The following DCP2 variants were observed in gnomAD, a reference collection of about 807,000 sequenced individuals.
DCP2 encodes decapping mRNA 2.
A neutral mutation model predicts 56.1 loss-of-function variants in DCP2; 30 were observed. The observed-to-expected ratio is 0.53, with a 90% CI of 0.40 to 0.73. The LOEUF (loss-of-function observed/expected upper bound fraction) is 0.73, where lower values mean the gene tolerates loss of function less well. Among genes scored for constraint, DCP2 ranks in the 30% least tolerant of loss-of-function variants. The pLI is 0.00. For synonymous variants in DCP2, 197 were observed against 163.3 expected, an observed-to-expected ratio of 1.21 and a Z score of -1.57; for missense variants, 533 against 502.7, an observed-to-expected ratio of 1.06 and a Z score of -0.58.
In DCP2 at chr5:113,001,154, A is replaced by T. The variant is rs374882349; in HGVS notation, c.503A>T (p.Asn168Ile). 2 of 1,613,984 alleles carry T rather than the reference A, an allele frequency of 1.2e-6. No homozygotes were observed. The highest frequency in any genetic ancestry group is 1.3e-5 in the African/African-American group (1 of 75,052). The part of the protein sequence containing the change: ...CKDDYIELRI[N>I]DQLARLYIIP... Reference sequence around the variant, plus strand: ...GATGATTACATTGAACTTCGAATCAATGACCAGCTTGCTCGTTTGTACATC... The same window carrying T: ...GATGATTACATTGAACTTCGAATCATTGACCAGCTTGCTCGTTTGTACATC... Residue 168 changes from asparagine (N) to isoleucine (I), a missense_variant, in exon 5 of 11, where the codon AAT becomes ATT. Physicochemically the swap from Asn to Ile is moderately radical, Grantham distance 149. Transcript: ENST00000389063.
chr5:113,011,850 A>G (rs1423032164), intron 10 of DCP2, among the ~76,000 whole-genome samples: 2 of 152,134 alleles, frequency 1.3e-5, no homozygotes, highest in Non-Finnish European at 2.9e-5. Context: ...CGGGTCTTAC[A>G]TTTAAGTCTT....
chr5:113,007,994 G>T lies in DCP2; in HGVS notation c.999G>T (p.Lys333Asn). Residue 333 changes from lysine (K) to asparagine (N), a missense_variant, in exon 9 of 11, where the codon AAG (lysine) becomes AAT (asparagine). By Grantham distance (94) the Lys-to-Asn change is moderately conservative. Transcript: ENST00000389063. ...RKQYQDSPNQ[K>N]KRTNGLQPAK... ...AGTATCAAGATTCACCTAATCAAAA[G>T]AAAAGAACAAATGGGCTTCAGCCAG... The T allele has an allele frequency of 1.2e-6, 2 of 1,614,018 alleles. No homozygotes were observed. Among genetic ancestry groups the T allele is most frequent in the South Asian group, 2.2e-5 (2 of 91,082 alleles).
intron 2 of DCP2, among the ~76,000 whole-genome samples, chr5:112,991,627 T>C (rs893447385): frequency 6.6e-6 from 1 of 152,242 alleles, no homozygotes; most frequent in African/African-American, 2.4e-5. Context: ...TTAAGCACTT[T>C]ATTCTTTTTC....
At chr5:112,999,897 C>G (rs1209960827) in intron 4 of DCP2, among the ~76,000 whole-genome samples, 1 of 151,464 alleles carries the variant, frequency 6.6e-6, no homozygotes, top group African/African-American at 2.4e-5. Context: ...CCTGTCTCTA[C>G]TAAAAATACA....
intron 9 of DCP2, 170 bp downstream of exon 9, chr5:113,008,212 T>C: frequency 1.9e-6 from 1 of 520,020 alleles, no homozygotes. Flanking sequence ...AATCTCTGGC[T>C]GCTCTTAATT....
At chr5:112,985,504 A>G (rs1748235827) in intron 1 of DCP2, among the ~76,000 whole-genome samples, 2 of 152,188 alleles carry the variant, frequency 1.3e-5, no homozygotes, top group South Asian at 2.1e-4. Flanking sequence ...ATTTACCTGT[A>G]TTCTTGGAAA....
chr5:112,988,257 C>T (rs766460867), intron 2 of DCP2, among the ~76,000 whole-genome samples: 22 of 150,510 alleles, frequency 1.5e-4, no homozygotes, highest in Middle Eastern at 3.4e-3. Flanking sequence ...CCAAGGGGGG[C>T]GGATCACTAA....
chr5:112,979,033 A>G lies in DCP2; in HGVS notation c.53+2047A>G, dbSNP rs368087629. 1.9e-3 allele frequency among the ~76,000 whole-genome samples: 282 copies of G among 152,320 alleles called. 1 individual carries two copies. The highest frequency in any genetic ancestry group is 6.5e-3 in the African/African-American group (269 of 41,574). ...ATGTCAGCTGTTAACGATTTTATGT[A>G]TGGAACCTATTCACAAAATAATTAC... On this transcript the variant is annotated intron_variant, in intron 1 of 10. Coordinates refer to ENST00000389063, the MANE Select transcript of DCP2 (RefSeq NM_152624.6).
At position 112,976,800 on chromosome 5, in the gene DCP2, C is replaced by T. The variant is rs765496079; in HGVS notation, c.-134C>T. On this transcript the variant is annotated 5_prime_UTR_variant, in exon 1 of 11. Transcript: ENST00000389063. ...AGCGGGTCCCGCCCCTTCCCCTTCTCGTCTCCGTTGGAGTCGTCTCTGCCG... is the reference window on the plus strand; with the variant it reads ...AGCGGGTCCCGCCCCTTCCCCTTCTTGTCTCCGTTGGAGTCGTCTCTGCCG... 9 of 903,532 alleles carry T rather than the reference C, an allele frequency of 1.0e-5. No individual in the cohort carries two copies. The highest frequency in any genetic ancestry group is 2.1e-4 in the Middle Eastern group (1 of 4,656). The allele number at this position is 903,532 out of a possible 1,614,324, so 56.0% of individuals were successfully genotyped here.
intron 7 of DCP2, among the ~76,000 whole-genome samples, chr5:113,003,656 CT>C (rs1402372438): frequency 6.6e-6 from 1 of 151,932 alleles, no homozygotes; most frequent in African/African-American, 2.4e-5. Context: ...ACTATAATCA[CT>C]TATAGGGAGG....
intron 2 of DCP2, among the ~76,000 whole-genome samples, chr5:112,986,704 A>G (rs748827718): frequency 6.6e-6 from 1 of 152,136 alleles, no homozygotes; most frequent in African/African-American, 2.4e-5. Context: ...TGTGGCAAAT[A>G]CAAAGAAGCC....
intron 4 of DCP2, among the ~76,000 whole-genome samples, chr5:112,995,105 T>G (rs1274649553): frequency 6.6e-6 from 1 of 152,206 alleles, no homozygotes; most frequent in Non-Finnish European, 1.5e-5. Flanking sequence ...CACTTTGTAA[T>G]AGAATCAAAA....
chr5:113,012,666 C>G (rs1561707076), intron 10 of DCP2, among the ~76,000 whole-genome samples: 1 of 151,932 alleles, frequency 6.6e-6, no homozygotes, highest in East Asian at 1.9e-4. Context: ...TTTTTTGAGA[C>G]AGAGTCTTGC....
Position 113,016,941 on chromosome 5 carries a change from A to G in DCP2, c.*3457A>G, listed in dbSNP as rs1749913580. 1 of 148,752 alleles carries G rather than the reference A, an allele frequency of 6.7e-6. No individual in the cohort carries two copies. The highest frequency in any genetic ancestry group is 6.9e-5 in the Admixed American group (1 of 14,588). The allele number at this position is 148,752 out of a possible 1,614,324, so 9.2% of individuals were successfully genotyped here. On this transcript the variant is annotated 3_prime_UTR_variant, in exon 11 of 11. Coordinates refer to ENST00000389063, the MANE Select transcript of DCP2 (RefSeq NM_152624.6). Reference sequence around the variant, plus strand: ...ACCGCAACCTACGCCTCCCGGGTTCAAGTGATTCTCCTGCCTCAGCCTCCC... The same window carrying G: ...ACCGCAACCTACGCCTCCCGGGTTCGAGTGATTCTCCTGCCTCAGCCTCCC...
Position 113,010,918 on chromosome 5 carries a change from T to G in DCP2, c.1099+111T>G. The G allele has an allele frequency of 8.8e-7, 1 of 1,136,244 alleles. No homozygotes were observed. The highest frequency in any genetic ancestry group is 1.2e-6 in the Non-Finnish European group (1 of 806,392). 70.4% of individuals were successfully genotyped at this position (1,136,244 alleles called of 1,614,324 possible). A position where few individuals can be genotyped will look rare whatever the true frequency, so the allele number is the denominator to read the frequency against. On this transcript the variant is annotated intron_variant, in intron 10 of 10. Coordinates refer to ENST00000389063, the MANE Select transcript of DCP2 (RefSeq NM_152624.6). ...ATCTGTGATAGTTAAGCAGGAAGAG[T>G]TGCATATGTTCTGTAGAAAGAGTTC...
intron 2 of DCP2, among the ~76,000 whole-genome samples, chr5:112,988,296 C>T (rs1314075438): frequency 6.8e-6 from 1 of 145,996 alleles, no homozygotes; most frequent in African/African-American, 2.5e-5. Flanking sequence ...TCCTGGCCAA[C>T]ACAGTAAAAC....
chr5:112,978,584 A>G (rs2080898), intron 1 of DCP2, among the ~76,000 whole-genome samples: 35,426 of 152,046 alleles, frequency 0.23, 4,989 homozygotes, highest in African/African-American at 0.41. Flanking sequence ...AACTAATACA[A>G]ATGGCGCTGT....
intron 4 of DCP2, among the ~76,000 whole-genome samples, chr5:112,993,641 C>CAA (rs75863144): frequency 8.7e-6 from 1 of 115,546 alleles, no homozygotes; most frequent in African/African-American, 2.8e-5. Flanking sequence ...AAAAAAAAAC[C>CAA]AAAAAAAAAA....
At chr5:113,010,733 G>GTT in intron 9 of DCP2, 23 bp from the exon 10 acceptor site, 5 of 1,341,742 alleles carry the variant, frequency 3.7e-6, no homozygotes, top group East Asian at 3.0e-5. Context: ...GTGTGTGTGT[G>GTT]TGTTTTTTTT....
Sources: allele counts gnomAD v4.1 joint callset (sites outside exome capture counted in the v4.1 genomes callset), GRCh38; gene constraint gnomAD v4.1.1; transcripts MANE v1.5; gene names NCBI Gene and HGNC (gene_info 2026-07-23, HGNC 2026-07-21).